NRG1: variants seen among roughly 807,000 people sequenced by gnomAD.
NRG1 encodes neuregulin 1, also known as pro-neuregulin-1, membrane-bound isoform.
NRG1 carries 18 observed loss-of-function variants against 63.8 expected under a neutral mutation model. That is an observed-to-expected ratio of 0.28 (90% confidence interval 0.19 to 0.42). The LOEUF (loss-of-function observed/expected upper bound fraction) is 0.42, where lower values mean the gene tolerates loss of function less well. NRG1 is among the 10% of genes least tolerant of loss of function. The pLI, the probability that NRG1 is intolerant of heterozygous loss-of-function variation, is 1.00. For missense variants in NRG1, 762 were observed against 814.7 expected, an observed-to-expected ratio of 0.94 and a Z score of 0.79; for synonymous variants, 302 against 301.3, an observed-to-expected ratio of 1.00 and a Z score of -0.02.
At chr8:31,994,654 A>AAAT (rs1491119587) in intron 1 of NRG1, among the ~76,000 whole-genome samples, 1 of 11,114 alleles carries the variant, frequency 9.0e-5, no homozygotes, top group East Asian at 6.0e-3. Flanking sequence ...ACTCTGTCTC[A>AAAT]AAAAAAAAAA....
At chr8:31,846,346 G>A (rs1415710573) in intron 1 of NRG1, among the ~76,000 whole-genome samples, 1 of 152,282 alleles carries the variant, frequency 6.6e-6, no homozygotes, top group East Asian at 1.9e-4. Flanking sequence ...AGGCTGAAAG[G>A]CCTAAAGGCC....
At chr8:31,759,713 G>A (rs576479297) in intron 1 of NRG1, among the ~76,000 whole-genome samples, 1 of 152,144 alleles carries the variant, frequency 6.6e-6, no homozygotes, top group East Asian at 1.9e-4. Flanking sequence ...AACTACATAT[G>A]AATTTTAACA....
At chr8:32,554,839 C>T (rs1241502744) in intron 1 of NRG1, among the ~76,000 whole-genome samples, 2 of 152,008 alleles carry the variant, frequency 1.3e-5, no homozygotes, top group African/African-American at 4.8e-5. Flanking sequence ...TTCCTATGCC[C>T]CATGTCACCT....
At chr8:31,815,463 A>G (rs1321477616) in intron 1 of NRG1, among the ~76,000 whole-genome samples, 1 of 152,178 alleles carries the variant, frequency 6.6e-6, no homozygotes, top group African/African-American at 2.4e-5. Context: ...ATCCATTTAT[A>G]GATATACCAC....
intron 1 of NRG1, among the ~76,000 whole-genome samples, chr8:32,398,571 C>A (rs1272553499): frequency 6.6e-6 from 1 of 152,012 alleles, no homozygotes; most frequent in African/African-American, 2.4e-5. Context: ...CCATTATGCC[C>A]ATCTGATCTT....
intron 1 of NRG1, among the ~76,000 whole-genome samples, chr8:31,826,833 G>A (rs986032621): frequency 2.0e-5 from 3 of 152,332 alleles, no homozygotes; most frequent in African/African-American, 4.8e-5. Context: ...GTTACATGAA[G>A]TTTGTTACTT....
intron 1 of NRG1, among the ~76,000 whole-genome samples, chr8:32,284,769 A>T (rs1488898291): frequency 6.6e-6 from 1 of 152,150 alleles, no homozygotes; most frequent in Non-Finnish European, 1.5e-5. Context: ...GGCTGGTCTC[A>T]AACTGCTGGG....
At chr8:32,773,252 C>A (rs893765492) in intron 7 of NRG1, among the ~76,000 whole-genome samples, 1 of 152,158 alleles carries the variant, frequency 6.6e-6, no homozygotes, top group Non-Finnish European at 1.5e-5. Context: ...TGACCAAAAA[C>A]TTTTCTTTCA....
intron 1 of NRG1, among the ~76,000 whole-genome samples, chr8:31,711,228 A>G (rs543677217): frequency 2.0e-4 from 31 of 152,216 alleles, no homozygotes; most frequent in African/African-American, 6.3e-4. Context: ...AATCTTTTCT[A>G]TTATTTCCCC....
At chr8:32,351,245 A>T (rs1245834571) in intron 1 of NRG1, among the ~76,000 whole-genome samples, 1 of 152,106 alleles carries the variant, frequency 6.6e-6, no homozygotes, top group African/African-American at 2.4e-5. Context: ...ATTAGAGTTG[A>T]CAGAATACTT....
chr8:32,478,266 G>GC (rs1295390684), intron 1 of NRG1, among the ~76,000 whole-genome samples: 3 of 151,950 alleles, frequency 2.0e-5, no homozygotes, highest in Non-Finnish European at 4.4e-5. Flanking sequence ...CTTCCATGTG[G>GC]GGGGGCCTTT....
chr8:31,683,508 T>C (rs1563289199), intron 1 of NRG1, among the ~76,000 whole-genome samples: 2 of 152,256 alleles, frequency 1.3e-5, no homozygotes, highest in South Asian at 4.2e-4. Context: ...GGCAAAACTA[T>C]GGAGTCGTTA....
chr8:32,383,371 G>A (rs550295166), intron 1 of NRG1, among the ~76,000 whole-genome samples: 13 of 152,198 alleles, frequency 8.5e-5, no homozygotes, highest in Non-Finnish European at 1.8e-4. Flanking sequence ...ACAGGAACAG[G>A]TCAACTTGGT....
intron 1 of NRG1, among the ~76,000 whole-genome samples, chr8:31,819,134 T>G (rs1483570771): frequency 6.6e-6 from 1 of 152,006 alleles, no homozygotes; most frequent in African/African-American, 2.4e-5. Context: ...AGCTACTTGG[T>G]GGGCTGAGGC....
intron 1 of NRG1, among the ~76,000 whole-genome samples, chr8:32,438,961 T>A (rs533336443): frequency 2.0e-4 from 31 of 152,318 alleles, no homozygotes; most frequent in Non-Finnish European, 2.9e-4. Context: ...TTACAAATAT[T>A]TTCTCCCAGT....
intron 5 of NRG1, among the ~76,000 whole-genome samples, chr8:32,723,274 G>A (rs1183291766): frequency 1.3e-5 from 2 of 152,112 alleles, no homozygotes; most frequent in Non-Finnish European, 2.9e-5. Flanking sequence ...GTTCATTTCA[G>A]TACATTTTAT....
intron 1 of NRG1, among the ~76,000 whole-genome samples, chr8:32,292,876 C>G (rs1854365658): frequency 6.6e-6 from 1 of 152,112 alleles, no homozygotes; most frequent in Admixed American, 6.5e-5. Flanking sequence ...GAGGCCAAGG[C>G]AGGCTGATCA....
intron 1 of NRG1, among the ~76,000 whole-genome samples, chr8:32,025,567 T>C (rs1817124719): frequency 6.6e-6 from 1 of 152,218 alleles, no homozygotes; most frequent in Non-Finnish European, 1.5e-5. Flanking sequence ...ACGTATCTTT[T>C]TCTAAAAGAT....
At chr8:32,382,200 T>C (rs1810442560) in intron 1 of NRG1, among the ~76,000 whole-genome samples, 2 of 152,164 alleles carry the variant, frequency 1.3e-5, no homozygotes. Flanking sequence ...GAGTATAACT[T>C]TCCAAGGTGA....
Sources: allele counts gnomAD v4.1 joint callset (sites outside exome capture counted in the v4.1 genomes callset), GRCh38; gene constraint gnomAD v4.1.1; transcripts MANE v1.5; gene names NCBI Gene and HGNC (gene_info 2026-07-23, HGNC 2026-07-21).